ATXN1: variants seen among roughly 807,000 people sequenced by gnomAD.
ATXN1 encodes ataxin-1.
Under a neutral mutation model 56.4 loss-of-function variants are expected in ATXN1, and 8 were observed. The observed-to-expected ratio is 0.14, with a 90% CI of 0.08 to 0.26. The LOEUF (loss-of-function observed/expected upper bound fraction) is 0.26, where lower values mean the gene tolerates loss of function less well. Among genes scored for constraint, ATXN1 ranks in the 10% least tolerant of loss-of-function variants. The pLI is 1.00. For synonymous variants in ATXN1, 514 were observed against 494.6 expected (o/e 1.04, Z -0.52); for missense variants, 987 against 1,106.5 (o/e 0.89, Z 1.53).
chr6:16,558,345 A>G (rs1035266488), intron 4 of ATXN1, among the ~76,000 whole-genome samples: 1 of 151,194 alleles, frequency 6.6e-6, no homozygotes, highest in Non-Finnish European at 1.5e-5. Context: ...GTTTTACGAT[A>G]TATGAATCAT....
intron 3 of ATXN1, among the ~76,000 whole-genome samples, chr6:16,644,373 G>A (rs1763763161): frequency 6.6e-6 from 1 of 152,000 alleles, no homozygotes; most frequent in Non-Finnish European, 1.5e-5. Flanking sequence ...AAATTCCCTG[G>A]GCGTGGCGGC....
chr6:16,561,110 C>A (rs866334396), intron 4 of ATXN1, among the ~76,000 whole-genome samples: 22 of 151,516 alleles, frequency 1.5e-4, no homozygotes, highest in Admixed American at 2.6e-4. Context: ...GGCTTCCTAC[C>A]CAGATGACCT....
intron 6 of ATXN1, among the ~76,000 whole-genome samples, chr6:16,335,162 G>C (rs1289049484): frequency 1.3e-5 from 2 of 152,250 alleles, no homozygotes; most frequent in Non-Finnish European, 2.9e-5. Flanking sequence ...TGTCATCCCA[G>C]TCTACTGTCA....
chr6:16,409,728 T>C (rs1176007356), intron 6 of ATXN1, among the ~76,000 whole-genome samples: 1 of 151,780 alleles, frequency 6.6e-6, no homozygotes, highest in Non-Finnish European at 1.5e-5. Flanking sequence ...TCTAAAATTG[T>C]TGTAAGACAA....
chr6:16,737,602 A>G (rs1760181428), intron 2 of ATXN1: 1 of 152,254 alleles, frequency 6.6e-6, no homozygotes, highest in Admixed American at 6.5e-5. Flanking sequence ...GACTAGGAGC[A>G]GTGAATGGAA....
chr6:16,651,415 G>A (rs745973937), intron 3 of ATXN1, among the ~76,000 whole-genome samples: 4 of 152,010 alleles, frequency 2.6e-5, no homozygotes, highest in Non-Finnish European at 5.9e-5. Flanking sequence ...GTGGTGGTGC[G>A]CACCTGTAAT....
rs1416295896 is a variant in ATXN1, at chr6:16,301,825, A to G, written c.*4504T>C. The G allele has an allele frequency of 6.5e-6, 1 of 152,700 alleles. No homozygotes were observed. The highest frequency in any genetic ancestry group is 1.5e-5 in the Non-Finnish European group (1 of 68,062). The allele number at this position is 152,700 out of a possible 1,614,324, so 9.5% of individuals were successfully genotyped here. A position where few individuals can be genotyped will look rare whatever the true frequency, so the allele number is the denominator to read the frequency against. ...TACCGAGAGCTCTGCTTCCTCACCC[A>G]TATCTGAAATAGCACGGTATTAGTG... On this transcript the variant is annotated 3_prime_UTR_variant, in exon 8 of 8. Transcript: ENST00000436367.
intron 6 of ATXN1, among the ~76,000 whole-genome samples, chr6:16,480,621 A>C (rs1401184809): frequency 1.3e-5 from 2 of 152,108 alleles, no homozygotes; most frequent in Admixed American, 6.6e-5. Context: ...CTCTTTTAAT[A>C]AATATCATGT....
At chr6:16,371,395 C>T (rs951302363) in intron 6 of ATXN1, among the ~76,000 whole-genome samples, 5 of 151,326 alleles carry the variant, frequency 3.3e-5, no homozygotes, top group African/African-American at 1.2e-4. Context: ...TTTATTGTAC[C>T]ATGCAAAAAC....
intron 2 of ATXN1, among the ~76,000 whole-genome samples, chr6:16,668,008 G>T (rs1581347794): frequency 6.6e-6 from 1 of 152,102 alleles, no homozygotes; most frequent in Non-Finnish European, 1.5e-5. Flanking sequence ...CTGTAATGTT[G>T]CCTCATTTGT....
rs979074180 is a variant in ATXN1 at position 16,305,443 on chromosome 6, T to C, written c.*886A>G. ...GAGTGAAGTCAATGCAATAACCTGA[T>C]TGGTTTTCCTAACACTGCACAGAAA... is the stretch of plus-strand genomic sequence containing the variant. On this transcript the variant is annotated 3_prime_UTR_variant, in exon 8 of 8. Transcript: ENST00000436367. 6.5e-6 allele frequency: 1 copy of C among 152,696 alleles called. No individual in the cohort carries two copies. The highest frequency in any genetic ancestry group is 6.5e-5 in the Admixed American group (1 of 15,286). The allele number at this position is 152,696 out of a possible 1,614,324, so 9.5% of individuals were successfully genotyped here.
chr6:16,336,399 C>T (rs889166788), intron 6 of ATXN1, among the ~76,000 whole-genome samples: 4 of 152,166 alleles, frequency 2.6e-5, no homozygotes, highest in Admixed American at 6.5e-5. Flanking sequence ...TCAAGAACTG[C>T]AGCTGGTGAG....
rs146569084 is a variant in ATXN1 at position 16,305,104 on chromosome 6, G to A, written c.*1225C>T. On this transcript the variant is annotated 3_prime_UTR_variant, in exon 8 of 8. Transcript: ENST00000436367. ...GTGTTGAAAAAAAGAAAGCAACTTA[G>A]TTTTTTTTGTTTTTGTTTTTTCCCC... 1 of 152,572 alleles carries A rather than the reference G, an allele frequency of 6.6e-6. No homozygotes were observed. The highest frequency in any genetic ancestry group is 2.4e-5 in the African/African-American group (1 of 41,534). The allele number at this position is 152,572 out of a possible 1,614,324, so 9.5% of individuals were successfully genotyped here.
At chr6:16,558,976 G>T (rs1370897408) in intron 4 of ATXN1, among the ~76,000 whole-genome samples, 2 of 151,930 alleles carry the variant, frequency 1.3e-5, no homozygotes, top group African/African-American at 4.8e-5. Context: ...GGGCAACGAG[G>T]ATGAATATAC....
At chr6:16,531,187 G>A (rs1170668330) in intron 4 of ATXN1, among the ~76,000 whole-genome samples, 1 of 152,198 alleles carries the variant, frequency 6.6e-6, no homozygotes, top group Non-Finnish European at 1.5e-5. Context: ...GCAGCAAGTT[G>A]CCTGTGGTCT....
intron 2 of ATXN1, among the ~76,000 whole-genome samples, chr6:16,719,426 G>A (rs1399212750): frequency 6.6e-6 from 1 of 152,174 alleles, no homozygotes; most frequent in Non-Finnish European, 1.5e-5. Flanking sequence ...ATTGATTGGT[G>A]CATTAAAATT....
At chr6:16,435,314 C>T (rs1759367107) in intron 6 of ATXN1, among the ~76,000 whole-genome samples, 2 of 152,018 alleles carry the variant, frequency 1.3e-5, no homozygotes, top group Admixed American at 1.3e-4. Flanking sequence ...AGTCATGGAT[C>T]CATCAAGGCA....
chr6:16,591,118 A>G (rs941960509), intron 3 of ATXN1, among the ~76,000 whole-genome samples: 2 of 150,540 alleles, frequency 1.3e-5, no homozygotes, highest in African/African-American at 4.9e-5. Context: ...ACTGCGCCCA[A>G]CTATTTTTTT....
intron 6 of ATXN1, among the ~76,000 whole-genome samples, chr6:16,331,921 C>A (rs568544071): frequency 2.6e-5 from 4 of 152,142 alleles, no homozygotes; most frequent in Admixed American, 1.3e-4. Flanking sequence ...CTTAGTCAGC[C>A]CTGAAGACTC....
Sources: allele counts gnomAD v4.1 joint callset (sites outside exome capture counted in the v4.1 genomes callset), GRCh38; gene constraint gnomAD v4.1.1; transcripts MANE v1.5; gene names NCBI Gene and HGNC (gene_info 2026-07-23, HGNC 2026-07-21).